METTL15: variants seen among roughly 807,000 people sequenced by gnomAD.
The protein encoded by METTL15 is methyltransferase 15, mitochondrial 12S rRNA N4-cytidine.
Under a neutral mutation model 38.3 loss-of-function variants are expected in METTL15, and 34 were observed. The observed-to-expected ratio is 0.89, with a 90% CI of 0.68 to 1.18. The LOEUF (loss-of-function observed/expected upper bound fraction) is 1.18, where lower values mean the gene tolerates loss of function less well. Ranked by LOEUF, METTL15 falls within the 50% of genes most tolerant of loss-of-function variation. METTL15 has a pLI of 0.00. For synonymous variants in METTL15, 162 were observed against 170.9 expected (o/e 0.95, Z 0.41); for missense variants, 438 against 498.4 (o/e 0.88, Z 1.15).
chr11:28,243,913 T>A (rs1854406817), intron 4 of METTL15, among the ~76,000 whole-genome samples: 2 of 152,160 alleles, frequency 1.3e-5, no homozygotes, highest in Admixed American at 1.3e-4. Context: ...TATTAGTGAT[T>A]TTGTGGGTCA....
At chr11:28,267,447 C>T (rs1855470980) in intron 4 of METTL15, among the ~76,000 whole-genome samples, 1 of 152,126 alleles carries the variant, frequency 6.6e-6, no homozygotes, top group South Asian at 2.1e-4. Context: ...ATCATAATTC[C>T]AGCACTACTG....
rs755746090 is a variant in METTL15, at chr11:28,479,728, C to T, written c.*425-46750C>T. On this transcript the variant is annotated intron_variant and NMD_transcript_variant, in intron 6 of 7. Transcript: ENST00000532947. ...TCCTCTTTCTGAAGAACATAACCAG[C>T]GATGTGGCAATAATAATCATCAGCT... Among the ~76,000 whole-genome samples, 16 of 152,034 alleles carry T rather than the reference C, an allele frequency of 1.1e-4. No individual in the cohort carries two copies. In the South Asian group the frequency reaches 1.7e-3, roughly 16 times the overall value.
chr11:28,130,623 A>G (rs1331123042), intron 3 of METTL15, among the ~76,000 whole-genome samples: 1 of 152,146 alleles, frequency 6.6e-6, no homozygotes. Context: ...GATGAAGGTC[A>G]CTGGATTTGA....
intron 3 of METTL15, among the ~76,000 whole-genome samples, chr11:28,210,154 A>G (rs1852566736): frequency 6.6e-6 from 1 of 151,970 alleles, no homozygotes; most frequent in Admixed American, 6.6e-5. Flanking sequence ...CAAATAAAAT[A>G]GCCAAGAAAT....
chr11:28,208,495 T>G (rs996199772), intron 3 of METTL15, among the ~76,000 whole-genome samples: 1 of 152,134 alleles, frequency 6.6e-6, no homozygotes. Flanking sequence ...TAATTTCTGT[T>G]CTTTTACATT....
At chr11:28,251,143 G>C (rs1487267649) in intron 4 of METTL15, among the ~76,000 whole-genome samples, 1 of 152,018 alleles carries the variant, frequency 6.6e-6, no homozygotes, top group East Asian at 1.9e-4. Context: ...ATTAACTAGA[G>C]GAATATTTGA....
chr11:28,351,212 A>G (rs926031842), intron 3 of METTL15, among the ~76,000 whole-genome samples: 1 of 152,074 alleles, frequency 6.6e-6, no homozygotes, highest in African/African-American at 2.4e-5. Context: ...CCCGGGTTCA[A>G]GCTATTCTCC....
intron 6 of METTL15, among the ~76,000 whole-genome samples, chr11:28,486,605 A>T (rs1377905461): frequency 6.6e-6 from 1 of 152,190 alleles, no homozygotes; most frequent in African/African-American, 2.4e-5. Context: ...AGTGGTGGCC[A>T]TCTGCCCTTT....
intron 5 of METTL15, chr11:28,410,572 C>T: frequency 6.6e-6 from 1 of 152,086 alleles, no homozygotes; most frequent in East Asian, 1.9e-4. Context: ...CAACATTCAG[C>T]ATTCTTTCTT....
intron 3 of METTL15, among the ~76,000 whole-genome samples, chr11:28,348,234 T>C (rs1229902892): frequency 1.3e-5 from 2 of 152,254 alleles, no homozygotes; most frequent in African/African-American, 4.8e-5. Flanking sequence ...AGTTGTAGTG[T>C]CTGTTGAAGT....
At chr11:28,374,699 T>G (rs931875435) in intron 5 of METTL15, among the ~76,000 whole-genome samples, 1 of 151,374 alleles carries the variant, frequency 6.6e-6, no homozygotes, top group African/African-American at 2.4e-5. Context: ...CTTCCCACAC[T>G]ATGTTGAATA....
intron 6 of METTL15, among the ~76,000 whole-genome samples, chr11:28,474,375 A>G (rs1272919384): frequency 1.3e-5 from 2 of 152,102 alleles, no homozygotes; most frequent in Non-Finnish European, 2.9e-5. Context: ...TCTCTGTAAA[A>G]TAGGTCACTA....
In METTL15 at chr11:28,382,346, G is replaced by A. The variant is rs532745666; in HGVS notation, c.*358+20310G>A. ...CACTTTGTCTCTGGCTGTCCTCAGG[G>A]ATATTTCTCCATTTAGGCACTTGTG... On this transcript the variant is annotated intron_variant and NMD_transcript_variant, in intron 5 of 7. Transcript: ENST00000532947. Among the ~76,000 whole-genome samples the A allele has an allele frequency of 3.3e-5, 5 of 152,256 alleles. No homozygotes were observed. The South Asian group carries it at 1.0e-3, about 32-fold the overall frequency.
At chr11:28,115,204 C>G (rs1267549654) in intron 3 of METTL15, among the ~76,000 whole-genome samples, 1 of 152,136 alleles carries the variant, frequency 6.6e-6, no homozygotes, top group Non-Finnish European at 1.5e-5. Flanking sequence ...CTACTATTGA[C>G]CAGAAACCTT....
At chr11:28,479,092 TGTG>T (rs1851373299) in intron 6 of METTL15, among the ~76,000 whole-genome samples, 1 of 144,586 alleles carries the variant, frequency 6.9e-6, no homozygotes, top group African/African-American at 2.5e-5. Flanking sequence ...TGTGTGTGTG[TGTG>T]TTTGCTTTTG....
intron 4 of METTL15, among the ~76,000 whole-genome samples, chr11:28,229,519 G>A (rs1853605684): frequency 6.6e-6 from 1 of 151,896 alleles, no homozygotes; most frequent in Admixed American, 6.6e-5. Context: ...TGAGACCTTT[G>A]GGGAAGTGAT....
At chr11:28,518,152 T>C (rs1027974082) in intron 6 of METTL15, among the ~76,000 whole-genome samples, 2 of 152,080 alleles carry the variant, frequency 1.3e-5, no homozygotes, top group African/African-American at 4.8e-5. Context: ...ATCACTCAGA[T>C]TGCAGGAGAA....
At chr11:28,357,898 T>C (rs1850103571) in intron 4 of METTL15, among the ~76,000 whole-genome samples, 1 of 152,142 alleles carries the variant, frequency 6.6e-6, no homozygotes, top group Non-Finnish European at 1.5e-5. Context: ...AACAATGTAA[T>C]ATGTCAAGTG....
chr11:28,344,949 T>C (rs1281039628), intron 3 of METTL15, among the ~76,000 whole-genome samples: 1 of 152,206 alleles, frequency 6.6e-6, no homozygotes, highest in Non-Finnish European at 1.5e-5. Context: ...TTTTTCACCA[T>C]GTAATCAATA....
Sources: allele counts gnomAD v4.1 joint callset (sites outside exome capture counted in the v4.1 genomes callset), GRCh38; gene constraint gnomAD v4.1.1; transcripts MANE v1.5; gene names NCBI Gene and HGNC (gene_info 2026-07-23, HGNC 2026-07-21).